Variants in SH3RF2 observed in about 807,000 individuals in gnomAD.
SH3RF2 encodes SH3 domain containing ring finger 2.
A neutral mutation model predicts 59.0 loss-of-function variants in SH3RF2; 43 were observed. The ratio of observed to expected loss-of-function variants is 0.73; its 90% CI spans 0.57 to 0.94. SH3RF2 has a LOEUF of 0.94. SH3RF2 is among the 40% of genes least tolerant of loss of function. The pLI is 0.00. For synonymous variants in SH3RF2, 391 were observed against 391.5 expected (o/e 1.00, Z 0.01); for missense variants, 930 against 940.1 (o/e 0.99, Z 0.14).
At position 146,076,089 on chromosome 5, in the gene SH3RF2, A is replaced by G. The variant is rs542507559; in HGVS notation, c.*34-2371A>G. On this transcript the variant is annotated intron_variant, in intron 9 of 9. Transcript: ENST00000511217. ...AGTGGAAGTTCTTTCTACATCATTT[A>G]GCACAACCTGGAAGGTCAGATTAAT... Among the ~76,000 whole-genome samples, 8 of 152,332 alleles carry G rather than the reference A, an allele frequency of 5.3e-5. No individual in the cohort carries two copies. The East Asian group carries it at 1.3e-3, about 26-fold the overall frequency.
At chr5:145,946,192 G>A (rs1487933875) in intron 2 of SH3RF2, among the ~76,000 whole-genome samples, 1 of 152,202 alleles carries the variant, frequency 6.6e-6, no homozygotes, top group Non-Finnish European at 1.5e-5. Flanking sequence ...CTATGTACCA[G>A]GCTCTGTCTT....
intron 2 of SH3RF2, among the ~76,000 whole-genome samples, chr5:145,987,105 G>A (rs766523623): frequency 1.3e-5 from 2 of 152,054 alleles, no homozygotes; most frequent in Non-Finnish European, 2.9e-5. Flanking sequence ...GAAGAAGAGA[G>A]GCCAAAGCAA....
intron 9 of SH3RF2, among the ~76,000 whole-genome samples, chr5:146,076,840 C>A (rs757307635): frequency 1.3e-5 from 2 of 152,062 alleles, no homozygotes; most frequent in Non-Finnish European, 2.9e-5. Flanking sequence ...AGGTAAGACT[C>A]CCCAAATTGA....
At chr5:145,981,045 T>G (rs1759487708) in intron 2 of SH3RF2, among the ~76,000 whole-genome samples, 1 of 152,176 alleles carries the variant, frequency 6.6e-6, no homozygotes, top group Admixed American at 6.6e-5. Flanking sequence ...ATCTAAACAT[T>G]TCTTGATGTC....
chr5:145,977,939 T>C (rs1456881560), intron 2 of SH3RF2, among the ~76,000 whole-genome samples: 1 of 152,216 alleles, frequency 6.6e-6, no homozygotes, highest in Non-Finnish European at 1.5e-5. Context: ...AGAAGTTAAA[T>C]GACTTGCTTA....
chr5:146,033,451 C>CGTT (rs1561753484), intron 5 of SH3RF2, among the ~76,000 whole-genome samples: 1 of 71,856 alleles, frequency 1.4e-5, no homozygotes, highest in Admixed American at 1.3e-4. Flanking sequence ...TAGCCCTTAG[C>CGTT]TTTTTTTTTT....
intron 2 of SH3RF2, among the ~76,000 whole-genome samples, chr5:145,968,297 A>G (rs912171069): frequency 6.6e-6 from 1 of 152,184 alleles, no homozygotes. Context: ...AAGAACCCCA[A>G]ATCTCATGAA....
chr5:145,973,713 A>T (rs2149963694), intron 2 of SH3RF2, among the ~76,000 whole-genome samples: 1 of 152,322 alleles, frequency 6.6e-6, no homozygotes, highest in Middle Eastern at 3.4e-3. Context: ...TGACCTTAAG[A>T]CAAAATCATT....
intron 2 of SH3RF2, among the ~76,000 whole-genome samples, chr5:145,986,981 A>T (rs1426707705): frequency 6.6e-6 from 1 of 152,158 alleles, no homozygotes; most frequent in Admixed American, 6.5e-5. Context: ...TGTTTGATAA[A>T]TATTGGCTTG....
At chr5:145,987,486 G>A (rs1012704165) in intron 2 of SH3RF2, among the ~76,000 whole-genome samples, 11 of 152,100 alleles carry the variant, frequency 7.2e-5, no homozygotes, top group African/African-American at 1.2e-4. Context: ...AAAGTCACAC[G>A]ACATAACAGA....
intron 7 of SH3RF2, among the ~76,000 whole-genome samples, chr5:146,053,541 TGGAAACTTGAACAAGGGA>T (rs1411508838): frequency 6.6e-6 from 1 of 151,112 alleles, no homozygotes; most frequent in Non-Finnish European, 1.5e-5. Flanking sequence ...TCTTGGGATT[TGGAAACTTGAACAAGGGA>T]GGAAAAGATG....
Position 146,013,869 on chromosome 5 carries a change from A to G in SH3RF2, c.867A>G (p.Pro289=). 4.3e-6 allele frequency: 7 copies of G among 1,614,170 alleles called. No homozygotes were observed. Among genetic ancestry groups the G allele is most frequent in the Non-Finnish European group, 5.1e-6 (6 of 1,180,022 alleles). ...ACACGTCTACCCTCCGTAGGGGCCCAGGGTCCAGGAGGAAGGTGCCTGGGC... is the reference window on the plus strand; with the variant it reads ...ACACGTCTACCCTCCGTAGGGGCCCGGGGTCCAGGAGGAAGGTGCCTGGGC... The part of the protein sequence containing the change: ...RGNTSTLRRG[P]GSRRKVPGQF... The change falls in exon 5 of 10, where the codon CCA becomes CCG. Residue 289 remains proline (P), a synonymous_variant. Coordinates refer to ENST00000359120, the MANE Select transcript of SH3RF2 (RefSeq NM_152550.4).
intron 2 of SH3RF2, among the ~76,000 whole-genome samples, chr5:145,948,794 T>C (rs1420570426): frequency 6.6e-6 from 1 of 152,132 alleles, no homozygotes; most frequent in East Asian, 1.9e-4. Flanking sequence ...AGGTTCCCAG[T>C]CTCCAGTGCT....
intron 2 of SH3RF2, among the ~76,000 whole-genome samples, chr5:145,989,178 A>G (rs1759837022): frequency 6.6e-6 from 1 of 152,226 alleles, no homozygotes; most frequent in African/African-American, 2.4e-5. Context: ...GTCAGCAAAG[A>G]AACCTGTGTG....
rs563187260 is a variant in SH3RF2, at chr5:146,013,954, C to A, written c.952C>A (p.Arg318Ser). The A allele has an allele frequency of 3.1e-6, 5 of 1,614,086 alleles. No homozygotes were observed. The highest frequency in any genetic ancestry group is 1.6e-4 in the Middle Eastern group (1 of 6,062). The change falls in exon 5 of 10, where the codon CGC (arginine) becomes AGC (serine). Residue 318 changes from arginine to serine, a missense_variant. By Grantham distance (110) the Arg-to-Ser change is moderately radical. Coordinates refer to ENST00000359120, the MANE Select transcript of SH3RF2 (RefSeq NM_152550.4). ...CCGGATGGTCCATTCTCCTTCAGGG[C>A]GCCATATGGTAGAGATCAGCACCCC... is the stretch of plus-strand genomic sequence containing the variant. The part of the protein sequence containing the change: ...LNRMVHSPSG[R>S]HMVEISTPVL...
intron 2 of SH3RF2, among the ~76,000 whole-genome samples, chr5:145,996,742 T>G (rs774323623): frequency 6.6e-5 from 10 of 152,146 alleles, no homozygotes; most frequent in Non-Finnish European, 1.0e-4. Context: ...TAGAGTCAAG[T>G]TCACAGCCCT....
At chr5:146,032,102 C>T (rs1479819001) in intron 5 of SH3RF2, among the ~76,000 whole-genome samples, 2 of 152,154 alleles carry the variant, frequency 1.3e-5, no homozygotes, top group Non-Finnish European at 2.9e-5. Flanking sequence ...ATATTTTATT[C>T]GTCTGTTTTC....
intron 2 of SH3RF2, among the ~76,000 whole-genome samples, chr5:145,980,799 A>AAT (rs1561721754): frequency 6.6e-6 from 1 of 152,180 alleles, no homozygotes; most frequent in African/African-American, 2.4e-5. Flanking sequence ...AGTATTTCTA[A>AAT]ATATAAAAAT....
chr5:146,006,943 A>G lies in SH3RF2; in HGVS notation c.744+2790A>G, dbSNP rs546814778. ...TCCACAGTAGGGACGCATGAAAAAG[A>G]GTGAGTTGTATCACCAACTAAATGC... is the stretch of plus-strand genomic sequence containing the variant. On this transcript the variant is annotated intron_variant, in intron 4 of 9. Transcript: ENST00000359120. Among the ~76,000 whole-genome samples the G allele has an allele frequency of 2.6e-5, 4 of 152,326 alleles. No individual in the cohort carries two copies. The East Asian group carries it at 7.7e-4, about 29-fold the overall frequency.
Sources: gnomAD v4.1 joint callset for allele counts (sites outside exome capture counted in the v4.1 genomes callset) on GRCh38, gnomAD v4.1.1 for gene constraint, MANE v1.5 for transcripts, NCBI Gene and HGNC (gene_info 2026-07-23, HGNC 2026-07-21) for gene names.